Variants in TMCC1 observed in about 807,000 individuals in gnomAD.
TMCC1 encodes the protein transmembrane and coiled-coil domain family 1.
In TMCC1, 15 loss-of-function variants were observed where a neutral mutation model predicts 52.4. The ratio of observed to expected loss-of-function variants is 0.29; its 90% CI spans 0.19 to 0.44. TMCC1 has a LOEUF of 0.44. TMCC1 is among the 20% of genes least tolerant of loss of function. TMCC1 has a pLI of 1.00. For synonymous variants in TMCC1, 279 were observed against 301.9 expected, an observed-to-expected ratio of 0.92 and a Z score of 0.79; for missense variants, 503 against 806.0, an observed-to-expected ratio of 0.62 and a Z score of 4.55.
chr3:129,767,214 T>C (rs914200097), intron 4 of TMCC1, among the ~76,000 whole-genome samples: 3 of 148,798 alleles, frequency 2.0e-5, no homozygotes, highest in African/African-American at 5.0e-5. Flanking sequence ...TGAGCCGAGA[T>C]GGTGCCATTG....
intron 4 of TMCC1, among the ~76,000 whole-genome samples, chr3:129,702,630 C>T (rs776029400): frequency 6.6e-6 from 1 of 152,106 alleles, no homozygotes; most frequent in Non-Finnish European, 1.5e-5. Flanking sequence ...GCTCTTTTAT[C>T]ATTTCCAAAT....
At chr3:129,725,675 TG>T (rs2050018160) in intron 4 of TMCC1, among the ~76,000 whole-genome samples, 1 of 150,426 alleles carries the variant, frequency 6.6e-6, no homozygotes, top group South Asian at 2.1e-4. Context: ...TAATCTACTT[TG>T]AACATTGATT....
intron 4 of TMCC1, among the ~76,000 whole-genome samples, chr3:129,817,240 T>A (rs1308220568): frequency 1.3e-5 from 2 of 152,178 alleles, no homozygotes; most frequent in African/African-American, 2.4e-5. Context: ...TCAACTGTTA[T>A]TTAAAACCAA....
intron 4 of TMCC1, among the ~76,000 whole-genome samples, chr3:129,673,302 A>C (rs895028685): frequency 1.1e-4 from 16 of 152,132 alleles, no homozygotes; most frequent in African/African-American, 3.6e-4. Flanking sequence ...AATCCACTTT[A>C]TTCAGTGCCC....
At chr3:129,673,788 T>G (rs189971342) in intron 4 of TMCC1, among the ~76,000 whole-genome samples, 2 of 151,776 alleles carry the variant, frequency 1.3e-5, no homozygotes, top group African/African-American at 4.8e-5. Flanking sequence ...GAAGCAGAGG[T>G]TGCAGTGAGC....
At chr3:129,793,422 A>G (rs975808751) in intron 4 of TMCC1, among the ~76,000 whole-genome samples, 3 of 152,222 alleles carry the variant, frequency 2.0e-5, no homozygotes, top group Non-Finnish European at 4.4e-5. Flanking sequence ...TCTGATTAAC[A>G]GCCAAGGCAG....
intron 4 of TMCC1, among the ~76,000 whole-genome samples, chr3:129,812,937 A>G (rs1391960571): frequency 6.6e-6 from 1 of 152,208 alleles, no homozygotes; most frequent in Non-Finnish European, 1.5e-5. Flanking sequence ...CATCAGATAA[A>G]GGTCTAATAT....
At chr3:129,767,823 AC>A (rs1471833884) in intron 4 of TMCC1, among the ~76,000 whole-genome samples, 1 of 152,204 alleles carries the variant, frequency 6.6e-6, no homozygotes, top group Non-Finnish European at 1.5e-5. Flanking sequence ...ATGTATCGGT[AC>A]TTCATTTGAA....
At position 129,774,366 on chromosome 3, in the gene TMCC1, C is replaced by A. The variant is rs144793244; in HGVS notation, c.576+53437G>T. The stretch of plus-strand genomic sequence containing the variant: ...TCAATAGGCTGTATAAATTATCATA[C>A]CTAAAAAAATGCTATGAATATTCTA... On this transcript the variant is annotated intron_variant, in intron 4 of 6. Transcript: ENST00000393238. Among the ~76,000 whole-genome samples, 38 of 152,184 alleles carry A rather than the reference C, an allele frequency of 2.5e-4. No homozygotes were observed. The East Asian group carries it at 6.9e-3, about 28-fold the overall frequency.
intron 2 of TMCC1, among the ~76,000 whole-genome samples, chr3:129,845,146 C>G (rs1419249907): frequency 1.3e-5 from 2 of 151,780 alleles, no homozygotes; most frequent in Admixed American, 1.3e-4. Context: ...TGAGATCACA[C>G]CACTGCACTC....
At chr3:129,696,167 T>C (rs2047405632) in intron 4 of TMCC1, among the ~76,000 whole-genome samples, 1 of 152,154 alleles carries the variant, frequency 6.6e-6, no homozygotes. Context: ...ATAGGAAACA[T>C]TTGTCACCTA....
intron 2 of TMCC1, among the ~76,000 whole-genome samples, chr3:129,837,530 G>A (rs1210307188): frequency 6.6e-6 from 1 of 152,092 alleles, no homozygotes; most frequent in African/African-American, 2.4e-5. Context: ...CACCCTAAAG[G>A]ACTTGCAGGA....
At chr3:129,764,777 ATATATATATATATTTTTTTTTTTTTTT>A (rs1423079891) in intron 4 of TMCC1, among the ~76,000 whole-genome samples, 1 of 70,954 alleles carries the variant, frequency 1.4e-5, no homozygotes, top group African/African-American at 6.4e-5. Flanking sequence ...ATATATATAT[ATATATATATATATTTTTTTTTTTTTTT>A]TTTTTTTTTT....
intron 4 of TMCC1, among the ~76,000 whole-genome samples, chr3:129,734,979 T>G (rs2050833200): frequency 6.6e-6 from 1 of 151,580 alleles, no homozygotes; most frequent in Non-Finnish European, 1.5e-5. Flanking sequence ...CTCGGCTCAC[T>G]GCAAGCTCCG....
chr3:129,854,657 T>C (rs2060072223), intron 2 of TMCC1, among the ~76,000 whole-genome samples: 1 of 152,180 alleles, frequency 6.6e-6, no homozygotes, highest in South Asian at 2.1e-4. Context: ...GCACTTGCTA[T>C]TTCTTCTGTC....
intron 4 of TMCC1, among the ~76,000 whole-genome samples, chr3:129,806,809 C>T (rs575285100): frequency 1.3e-5 from 2 of 151,754 alleles, no homozygotes; most frequent in Non-Finnish European, 2.9e-5. Context: ...AAATTAAAAA[C>T]ATAATACCAG....
chr3:129,745,245 T>C (rs1267012606), intron 4 of TMCC1, among the ~76,000 whole-genome samples: 1 of 152,212 alleles, frequency 6.6e-6, no homozygotes, highest in African/African-American at 2.4e-5. Context: ...CACTCACACT[T>C]CTTGAAATTC....
intron 4 of TMCC1, among the ~76,000 whole-genome samples, chr3:129,823,319 T>A (rs983335236): frequency 2.1e-5 from 2 of 96,592 alleles, no homozygotes; most frequent in Admixed American, 1.3e-4. Flanking sequence ...AGAGCGAAAT[T>A]CCATCTCAAA....
intron 5 of TMCC1, among the ~76,000 whole-genome samples, chr3:129,655,975 A>G (rs781255299): frequency 2.3e-4 from 35 of 152,358 alleles, no homozygotes; most frequent in Admixed American, 1.0e-3. Context: ...AATGTACAGA[A>G]TAACTAGAAT....
Sources: gnomAD v4.1 joint callset for allele counts (sites outside exome capture counted in the v4.1 genomes callset) on GRCh38, gnomAD v4.1.1 for gene constraint, MANE v1.5 for transcripts, NCBI Gene and HGNC (gene_info 2026-07-23, HGNC 2026-07-21) for gene names.